The following RIPK1 variants were observed in gnomAD, a reference collection of about 807,000 sequenced individuals.
RIPK1 encodes receptor-interacting serine/threonine-protein kinase 1.
RIPK1 carries 27 observed loss-of-function variants against 62.4 expected under a neutral mutation model. The observed-to-expected ratio is 0.43, with a 90% confidence interval of 0.32 to 0.60. The LOEUF (loss-of-function observed/expected upper bound fraction) is 0.60. Ranked by LOEUF, RIPK1 falls within the 20% of genes least tolerant of loss-of-function variation. RIPK1 has a pLI of 0.07. For synonymous variants in RIPK1, 287 were observed against 303.2 expected (o/e 0.95, Z 0.55); for missense variants, 735 against 831.0 (o/e 0.88, Z 1.42).
In RIPK1 at chr6:3,105,420, GATTTT is replaced by G; in HGVS notation, c.1007-55_1007-51del. ...AGATACAGATTCATGACGGCGCTCA[GATTTT>G]ATTTTACTTTTTAATGTTTCATGAC... On this transcript the variant is annotated intron_variant, in intron 8 of 10. Transcript: ENST00000259808. The surrounding 1 kb of genome is among the most constrained non-coding windows in gnomAD (Gnocchi z 4.5). The G allele has an allele frequency of 2.3e-6, 3 of 1,317,212 alleles. No homozygotes were observed. Among genetic ancestry groups the G allele is most frequent in the African/African-American group, 2.9e-5 (2 of 67,978 alleles). The allele number at this position is 1,317,212 out of a possible 1,614,324, so 81.6% of individuals were successfully genotyped here. A position where few individuals can be genotyped will look rare whatever the true frequency, so the allele number is the denominator to read the frequency against.
At chr6:3,095,211 T>A (rs545778658) in intron 7 of RIPK1, among the ~76,000 whole-genome samples, 1 of 152,204 alleles carries the variant, frequency 6.6e-6, no homozygotes, top group African/African-American at 2.4e-5. Flanking sequence ...TTAGGTAAAA[T>A]GGACCAATGT....
chr6:3,112,370 A>C lies in RIPK1; in HGVS notation c.1730-683A>C, dbSNP rs560006865. ...CGGAGAATGTCTAAAAGGAACAAAA[A>C]TGGTGGTTTTCCCTTTACACCCAGG... On this transcript the variant is annotated intron_variant, in intron 10 of 10. Transcript: ENST00000259808. Among the ~76,000 whole-genome samples the C allele has an allele frequency of 2.0e-5, 3 of 152,282 alleles. No homozygotes were observed. In the South Asian group the frequency reaches 6.2e-4, roughly 32 times the overall value.
At chr6:3,088,045 C>CT (rs2113631208) in intron 6 of RIPK1, among the ~76,000 whole-genome samples, 1 of 152,298 alleles carries the variant, frequency 6.6e-6, no homozygotes, top group South Asian at 2.1e-4. Flanking sequence ...TATTGATTGT[C>CT]TTATTTCATT....
At chr6:3,089,203 T>C (rs896239053) in intron 6 of RIPK1, among the ~76,000 whole-genome samples, 1 of 152,216 alleles carries the variant, frequency 6.6e-6, no homozygotes, top group African/African-American at 2.4e-5. Flanking sequence ...ACTAAATCCT[T>C]CCTCTGACTA....
intron 5 of RIPK1, among the ~76,000 whole-genome samples, chr6:3,084,587 C>A: frequency 8.2e-6 from 1 of 121,952 alleles, no homozygotes. Context: ...ACCCCTTGTA[C>A]ATCCTTTTTT....
Position 3,113,925 on chromosome 6 carries a change from C to T in RIPK1, c.*586C>T, listed in dbSNP as rs1194587744. The T allele has an allele frequency of 6.6e-6, 1 of 152,360 alleles. No individual in the cohort carries two copies. Among genetic ancestry groups the T allele is most frequent in the Non-Finnish European group, 1.5e-5 (1 of 68,132 alleles). 9.4% of individuals were successfully genotyped at this position (152,360 alleles called of 1,614,324 possible). On this transcript the variant is annotated 3_prime_UTR_variant, in exon 11 of 11. Transcript: ENST00000259808. The surrounding 1 kb of genome is among the most constrained non-coding windows in gnomAD (Gnocchi z 5.0). ...CGTGGATCACAGCTGCAGCTCACCG[C>T]CACATCACAGGATCCGTTAACGTTA... is the stretch of plus-strand genomic sequence containing the variant.
intron 6 of RIPK1, among the ~76,000 whole-genome samples, chr6:3,087,321 CA>C (rs1301745157): frequency 6.6e-6 from 1 of 151,834 alleles, no homozygotes; most frequent in Non-Finnish European, 1.5e-5. Context: ...TTTTAACCCC[CA>C]CCCTCTTTCT....
chr6:3,073,414 T>C (rs1758864186), intron 1 of RIPK1, among the ~76,000 whole-genome samples: 2 of 152,054 alleles, frequency 1.3e-5, no homozygotes, highest in Non-Finnish European at 2.9e-5. Context: ...TGCCCCAAGG[T>C]CACAGGTTGG....
In RIPK1 at chr6:3,076,875, C is replaced by T; in HGVS notation, c.52C>T (p.Leu18=). The change falls in exon 2 of 11, where the codon CTG becomes TTG. Residue 18 remains leucine (L), a synonymous_variant. Coordinates refer to ENST00000259808, the MANE Select transcript of RIPK1 (RefSeq NM_001354930.2). The part of the protein sequence containing the change: ...NVIKMKSSDF[L]ESAELDSGGF... ...CATTAAGATGAAATCCAGTGACTTC[C>T]TGGAGAGTGCAGAACTGGACAGCGG... The T allele has an allele frequency of 6.2e-7, 1 of 1,612,148 alleles. No homozygotes were observed. The highest frequency in any genetic ancestry group is 8.5e-7 in the Non-Finnish European group (1 of 1,178,728).
Position 3,077,237 on chromosome 6 carries a change from AAG to A in RIPK1, c.164+254_164+255del, listed in dbSNP as rs1182428944. Among the ~76,000 whole-genome samples, 7 of 152,112 alleles carry A rather than the reference AAG, an allele frequency of 4.6e-5. No homozygotes were observed. The South Asian group carries it at 8.3e-4, about 18-fold the overall frequency. ...AACAAGAAGGAAATAGAGAAAGACA[AAG>A]AGATAAGTGTGGTGGGGGGACAATG... On this transcript the variant is annotated intron_variant, in intron 2 of 10. Coordinates refer to ENST00000259808, the MANE Select transcript of RIPK1 (RefSeq NM_001354930.2).
chr6:3,113,189 T>C lies in RIPK1; in HGVS notation c.1866T>C (p.Asp622=), dbSNP rs910097529. 1.2e-6 allele frequency: 2 copies of C among 1,613,850 alleles called. No individual in the cohort carries two copies. The highest frequency in any genetic ancestry group is 1.7e-6 in the Non-Finnish European group (2 of 1,179,958). Residue 622 remains aspartate (D), a synonymous_variant, in exon 11 of 11, where the codon GAT becomes GAC. Transcript: ENST00000259808. The surrounding 1 kb of genome is among the most constrained non-coding windows in gnomAD (Gnocchi z 5.0). ...IDEIDHDYER[D]GLKEKVYQML... is the part of the protein sequence containing the mutation. ...AAATTGACCATGACTATGAGCGAGATGGACTGAAAGAAAAGGTTTACCAGA... is the reference window on the plus strand; with the variant it reads ...AAATTGACCATGACTATGAGCGAGACGGACTGAAAGAAAAGGTTTACCAGA...
intron 7 of RIPK1, among the ~76,000 whole-genome samples, chr6:3,097,796 A>C (rs953015847): frequency 6.6e-6 from 1 of 152,054 alleles, no homozygotes; most frequent in Non-Finnish European, 1.5e-5. Context: ...TCATTGTAAA[A>C]TTCTATAAAT....
At chr6:3,065,070 G>A (rs1272985878), upstream of RIPK1, among the ~76,000 whole-genome samples, 5 of 151,518 alleles carry the variant, frequency 3.3e-5, no homozygotes, top group Non-Finnish European at 5.9e-5. Context: ...GTGAAACCCC[G>A]TCTCTACTAA....
intron 3 of RIPK1, among the ~76,000 whole-genome samples, chr6:3,080,393 A>G (rs1759314335): frequency 6.6e-6 from 1 of 152,260 alleles, no homozygotes; most frequent in Non-Finnish European, 1.5e-5. Context: ...AGCCTGAAGT[A>G]TCTGCTACCA....
At chr6:3,096,872 T>C (rs1044013865) in intron 7 of RIPK1, among the ~76,000 whole-genome samples, 1 of 151,442 alleles carries the variant, frequency 6.6e-6, no homozygotes, top group African/African-American at 2.4e-5. Context: ...TATTTTGTTT[T>C]GTTTTGTTTT....
intron 7 of RIPK1, among the ~76,000 whole-genome samples, chr6:3,098,383 A>T (rs1760423293): frequency 6.6e-6 from 1 of 152,266 alleles, no homozygotes; most frequent in African/African-American, 2.4e-5. Flanking sequence ...GCACAACTTT[A>T]CTGGTAATTA....
chr6:3,087,788 C>CT (rs1473939162), intron 6 of RIPK1, among the ~76,000 whole-genome samples: 1 of 46,960 alleles, frequency 2.1e-5, no homozygotes, highest in African/African-American at 3.8e-5. Context: ...ATCAGCCCGC[C>CT]TCGGCCTCCC....
chr6:3,087,725 G>C (rs995262213), intron 6 of RIPK1, among the ~76,000 whole-genome samples: 7 of 152,072 alleles, frequency 4.6e-5, no homozygotes, highest in African/African-American at 1.2e-4. Context: ...ATTTTTAGTA[G>C]AGACGGGGTT....
Position 3,072,302 on chromosome 6 carries a change from A to G in RIPK1, c.-61+3641A>G, listed in dbSNP as rs1341002995. Among the ~76,000 whole-genome samples, 1 of 152,202 alleles carries G rather than the reference A, an allele frequency of 6.6e-6. No individual in the cohort carries two copies. The highest frequency in any genetic ancestry group is 1.5e-5 in the Non-Finnish European group (1 of 68,036). On this transcript the variant is annotated intron_variant, in intron 1 of 10. Coordinates refer to ENST00000259808, the MANE Select transcript of RIPK1 (RefSeq NM_001354930.2). This position sits in a 1 kb window ranked among gnomAD's most constrained non-coding sequence, Gnocchi z 5.6. The stretch of plus-strand genomic sequence containing the variant: ...AGTAAAAGTGTAAAGAAGAAAGTAA[A>G]AATCAACCTATCATCAAGATACAAT...
Sources: allele counts gnomAD v4.1 joint callset (sites outside exome capture counted in the v4.1 genomes callset), GRCh38; gene constraint gnomAD v4.1.1; non-coding constraint Gnocchi (gnomAD v3.1); transcripts MANE v1.5; gene names NCBI Gene and HGNC (gene_info 2026-07-23, HGNC 2026-07-21).